Variants in TENM2 observed in about 807,000 individuals in gnomAD.
The protein encoded by TENM2 is teneurin transmembrane protein 2.
Under a neutral mutation model 245.2 loss-of-function variants are expected in TENM2, and 52 were observed. That is an observed-to-expected ratio of 0.21 (90% CI 0.17 to 0.27). TENM2 has a LOEUF of 0.27. TENM2 is among the 10% of genes least tolerant of loss of function. The pLI, the probability that TENM2 is intolerant of heterozygous loss-of-function variation, is 1.00. For missense variants in TENM2, 3,046 were observed against 3,666.8 expected (o/e 0.83, Z 4.37); for synonymous variants, 1,363 against 1,438.9 (o/e 0.95, Z 1.19).
At chr5:166,979,194 C>CCACCAGCAGCAGCAGCAGCAG in the TENM2 span, among the ~76,000 whole-genome samples, 14 of 142,044 alleles carry the variant, frequency 9.9e-5, no homozygotes, top group African/African-American at 1.7e-4. Flanking sequence ...AGCACCACCA[C>CCACCAGCAGCAGCAGCAGCAG]CAGCAGCAGC....
In TENM2 at chr5:167,351,010, GAT is replaced by G. The variant is rs377045353; in HGVS notation, c.227-24177_227-24176del. On this transcript the variant is annotated intron_variant, in intron 1 of 28. Transcript: ENST00000518659. ...TATATATATGGATTATATACATATGGATATATATATATGGGATATATACATAT... is the reference window on the plus strand; with the variant it reads ...TATATATATGGATTATATACATATGGATATATATATGGGATATATACATAT... Among the ~76,000 whole-genome samples, 31 of 27,148 alleles carry G rather than the reference GAT, an allele frequency of 1.1e-3. 3 individuals are homozygous for G. Among genetic ancestry groups the G allele is most frequent in the East Asian group, 5.1e-3 (5 of 974 alleles). The allele number at this position is 27,148 out of a possible 152,430, so 17.8% of individuals were successfully genotyped here. A position where few individuals can be genotyped will look rare whatever the true frequency, so the allele number is the denominator to read the frequency against.
chr5:167,309,452 G>A (rs770472196), intron 1 of TENM2, among the ~76,000 whole-genome samples: 6 of 152,108 alleles, frequency 3.9e-5, no homozygotes, highest in East Asian at 3.9e-4. Flanking sequence ...GGGTTTATTC[G>A]TTAAGCCAAG....
intron 5 of TENM2, among the ~76,000 whole-genome samples, chr5:168,029,263 A>T (rs773752453): frequency 4.6e-5 from 7 of 152,152 alleles, no homozygotes; most frequent in African/African-American, 7.2e-5. Flanking sequence ...CAACATACGA[A>T]TTCTGGGGAG....
At chr5:167,569,055 C>T (rs1275693250) in intron 2 of TENM2, among the ~76,000 whole-genome samples, 3 of 122,446 alleles carry the variant, frequency 2.5e-5, no homozygotes, top group African/African-American at 6.2e-5. Context: ...GGACCGAAAT[C>T]AATGAGTATC....
chr5:167,841,894 T>C (rs1382786746), intron 2 of TENM2, among the ~76,000 whole-genome samples: 1 of 152,120 alleles, frequency 6.6e-6, no homozygotes, highest in Non-Finnish European at 1.5e-5. Flanking sequence ...AACTTTTTAT[T>C]AATATGTTTT....
intron 2 of TENM2, among the ~76,000 whole-genome samples, chr5:167,540,505 G>A (rs895184179): frequency 6.6e-6 from 1 of 152,172 alleles, no homozygotes; most frequent in East Asian, 1.9e-4. Context: ...TTGGCATATA[G>A]CCATGCTCAT....
At chr5:167,908,168 C>G (rs1351761194) in intron 3 of TENM2, among the ~76,000 whole-genome samples, 2 of 152,156 alleles carry the variant, frequency 1.3e-5, no homozygotes, top group African/African-American at 4.8e-5. Flanking sequence ...CCTAGACTTT[C>G]TCTTGTTAGA....
chr5:167,930,568 G>A (rs189907123), intron 3 of TENM2, among the ~76,000 whole-genome samples: 1 of 152,048 alleles, frequency 6.6e-6, no homozygotes, highest in Admixed American at 6.5e-5. Flanking sequence ...TTGACCTCCA[G>A]GAATTAAATG....
chr5:167,914,039 G>GA (rs1776743065), intron 3 of TENM2, among the ~76,000 whole-genome samples: 1 of 152,298 alleles, frequency 6.6e-6, no homozygotes, highest in South Asian at 2.1e-4. Flanking sequence ...GTATAGAAGG[G>GA]AAAATCACCT....
In TENM2 at chr5:167,776,550, G is replaced by A. The variant is rs987408124; in HGVS notation, c.503-99436G>A. On this transcript the variant is annotated intron_variant, in intron 2 of 28. Coordinates refer to ENST00000518659, the Ensembl canonical transcript of TENM2. ...GTCAAGGCTGCAGTTAGCCATGGTC[G>A]CACCACTGCACTCCAGCTTGGGCAG... Among the ~76,000 whole-genome samples, 7 of 120,154 alleles carry A rather than the reference G, an allele frequency of 5.8e-5. No homozygotes were observed. The South Asian group carries it at 1.2e-3, about 20-fold the overall frequency. The allele number at this position is 120,154 out of a possible 152,430, so 78.8% of individuals were successfully genotyped here.
At chr5:168,165,812 A>C (rs1400996434) in intron 13 of TENM2, 4 of 151,428 alleles carry the variant, frequency 2.6e-5, no homozygotes, top group South Asian at 2.1e-4. Flanking sequence ...AAAAAAAAAA[A>C]AAGGCTGCAT....
the TENM2 span, among the ~76,000 whole-genome samples, chr5:167,164,548 A>G: frequency 6.6e-6 from 1 of 152,228 alleles, no homozygotes; most frequent in African/African-American, 2.4e-5. Context: ...GGTAAGCACC[A>G]TAGAAAGAAT....
intron 13 of TENM2, among the ~76,000 whole-genome samples, chr5:168,175,285 T>C (rs1759255688): frequency 6.6e-6 from 1 of 152,206 alleles, no homozygotes; most frequent in African/African-American, 2.4e-5. Flanking sequence ...TCAGAGATTC[T>C]AAAAACATAC....
chr5:167,645,755 C>A (rs1383862450), intron 2 of TENM2, among the ~76,000 whole-genome samples: 1 of 151,814 alleles, frequency 6.6e-6, no homozygotes, highest in Non-Finnish European at 1.5e-5. Flanking sequence ...AAAGTCAAAC[C>A]TTGATATCTT....
chr5:167,592,787 A>C (rs1775964975), intron 2 of TENM2, among the ~76,000 whole-genome samples: 1 of 152,198 alleles, frequency 6.6e-6, no homozygotes, highest in African/African-American at 2.4e-5. Flanking sequence ...TATTTACTTA[A>C]ATAAAATACA....
chr5:168,102,641 G>A (rs1427963863), intron 9 of TENM2, among the ~76,000 whole-genome samples: 1 of 152,106 alleles, frequency 6.6e-6, no homozygotes, highest in Non-Finnish European at 1.5e-5. Flanking sequence ...AAAATTCCTT[G>A]ACCACACCTG....
chr5:168,118,524 G>A, intron 10 of TENM2, 38 bp downstream of exon 12: 2 of 1,460,380 alleles, frequency 1.4e-6, no homozygotes, highest in South Asian at 1.5e-5. Context: ...AGCAGTGGAG[G>A]GAGGCGTTTG....
intron 2 of TENM2, among the ~76,000 whole-genome samples, chr5:167,459,155 C>G (rs1486175390): frequency 6.6e-6 from 1 of 152,172 alleles, no homozygotes; most frequent in African/African-American, 2.4e-5. Context: ...CCTATTTCCC[C>G]CTTCCCATAC....
chr5:167,055,590 C>A, the TENM2 span, among the ~76,000 whole-genome samples: 1 of 152,030 alleles, frequency 6.6e-6, no homozygotes. Context: ...CTTTCATAAG[C>A]ATTTTGTAAT....
Sources: gnomAD v4.1 joint callset for allele counts (sites outside exome capture counted in the v4.1 genomes callset) on GRCh38, gnomAD v4.1.1 for gene constraint, MANE v1.5 for transcripts, NCBI Gene and HGNC (gene_info 2026-07-23, HGNC 2026-07-21) for gene names.